DNAH6: variants seen among roughly 807,000 people sequenced by gnomAD.
DNAH6 encodes the protein dynein axonemal heavy chain 6, also known as axonemal beta dynein heavy chain 6.
A neutral mutation model predicts 491.4 loss-of-function variants in DNAH6; 340 were observed. That is an observed-to-expected ratio of 0.69 (90% CI 0.63 to 0.76). The LOEUF (loss-of-function observed/expected upper bound fraction) is 0.76. Among genes scored for constraint, DNAH6 ranks in the 30% least tolerant of loss-of-function variants. The pLI, the probability that DNAH6 is intolerant of heterozygous loss-of-function variation, is 0.00. For synonymous variants in DNAH6, 1,603 were observed against 1,686.1 expected (o/e 0.95, Z 1.21); for missense variants, 4,443 against 4,972.2 (o/e 0.89, Z 3.20).
In DNAH6 at chr2:84,813,954, G is replaced by A. The variant is rs758101643; in HGVS notation, c.11999-17G>A. On this transcript the variant is annotated splice_polypyrimidine_tract_variant and intron_variant, in intron 74 of 76. Transcript: ENST00000389394. ...CAGTGTTGTTTGAACGCAGCTTTCC[G>A]ATTTTCACAATTACAGGAACTCTTC... The A allele has an allele frequency of 2.0e-5, 31 of 1,551,334 alleles. No individual in the cohort carries two copies. The highest frequency in any genetic ancestry group is 3.6e-5 in the South Asian group (3 of 84,000).
intron 11 of DNAH6, among the ~76,000 whole-genome samples, chr2:84,570,199 A>G (rs756915748): frequency 6.6e-6 from 1 of 152,232 alleles, no homozygotes; most frequent in Non-Finnish European, 1.5e-5. Context: ...CAATGGAGAC[A>G]TGTAAAAAAG....
In DNAH6 at chr2:84,697,558, A is replaced by C. The variant is rs879936402; in HGVS notation, c.7525-17A>C. ...AATGATTGAGCAAGTTGTAATGATC[A>C]CTGCTTTCTTCTACAGATTGTAGTG... On this transcript the variant is annotated splice_polypyrimidine_tract_variant and intron_variant, in intron 46 of 76. Coordinates refer to ENST00000389394, the MANE Select transcript of DNAH6 (RefSeq NM_001370.2). The C allele has an allele frequency of 1.3e-6, 2 of 1,538,438 alleles. No individual in the cohort carries two copies. The highest frequency in any genetic ancestry group is 2.8e-5 in the African/African-American group (2 of 72,304).
chr2:84,497,616 C>T, the DNAH6 span, among the ~76,000 whole-genome samples: 8 of 152,018 alleles, frequency 5.3e-5, no homozygotes, highest in African/African-American at 7.2e-5. Context: ...ATTGAACTGC[C>T]GTAGGATTCT....
At chr2:84,638,010 G>A (rs113494723) in intron 31 of DNAH6, among the ~76,000 whole-genome samples, 1 of 151,980 alleles carries the variant, frequency 6.6e-6, no homozygotes, top group Non-Finnish European at 1.5e-5. Context: ...TGGGAGGATC[G>A]CTTGAGTCCA....
At chr2:84,793,213 C>T (rs1047303212) in intron 68 of DNAH6, among the ~76,000 whole-genome samples, 4 of 142,246 alleles carry the variant, frequency 2.8e-5, no homozygotes, top group African/African-American at 8.6e-5. Flanking sequence ...CATGCACACA[C>T]GTACACACAC....
the DNAH6 span, among the ~76,000 whole-genome samples, chr2:84,468,743 G>A: frequency 2.0e-5 from 3 of 152,182 alleles, no homozygotes; most frequent in Non-Finnish European, 4.4e-5. Flanking sequence ...TCCTTTCCTA[G>A]AAGAAGTCTA....
At chr2:84,686,647 C>A in intron 44 of DNAH6, 90 bp downstream of exon 44, 1 of 824,472 alleles carries the variant, frequency 1.2e-6, no homozygotes, top group Non-Finnish European at 1.9e-6. Context: ...AAAAACTTTA[C>A]ATGTGTGAGG....
Position 84,722,772 on chromosome 2 carries a change from A to G in DNAH6, c.9940A>G (p.Met3314Val), listed in dbSNP as rs759421258. The G allele has an allele frequency of 2.6e-6, 4 of 1,529,990 alleles. No individual in the cohort carries two copies. Among genetic ancestry groups the G allele is most frequent in the South Asian group, 2.5e-5 (2 of 80,620 alleles). 94.8% of individuals were successfully genotyped at this position (1,529,990 alleles called of 1,614,324 possible). The change falls in exon 60 of 77, where the codon ATG (methionine) becomes GTG (valine). Residue 3314 changes from methionine to valine, a missense_variant. Around this residue, in one of 3 missense-constraint regions of DNAH6, gnomAD observed 1,463 missense variants for 1,656.6 expected, o/e 0.88. Transcript: ENST00000389394. ...TGCAAGCCTCTCAGAAATAGATCCT[A>G]TGTACCAGTACTCATTAAAATACTT... ...VIASLSEIDP[M>V]YQYSLKYFKQ...
intron 53 of DNAH6, 63 bp from the exon 54 acceptor site, chr2:84,707,457 A>G: frequency 7.2e-7 from 1 of 1,387,536 alleles, no homozygotes; most frequent in East Asian, 2.5e-5. Context: ...ACAGGTAAAT[A>G]AGCTTTTAAT....
intron 11 of DNAH6, among the ~76,000 whole-genome samples, chr2:84,567,164 A>G (rs941959671): frequency 1.3e-5 from 2 of 152,164 alleles, no homozygotes; most frequent in African/African-American, 4.8e-5. Flanking sequence ...AAGTAAAAAT[A>G]CACTTATAAA....
At chr2:84,719,492 T>G (rs1417037173) in intron 59 of DNAH6, among the ~76,000 whole-genome samples, 1 of 143,964 alleles carries the variant, frequency 6.9e-6, no homozygotes, top group African/African-American at 2.6e-5. Context: ...CTTGAGTTTT[T>G]GTTTTTTTTG....
chr2:84,749,413 T>C (rs1558994880), intron 63 of DNAH6, among the ~76,000 whole-genome samples: 1 of 152,142 alleles, frequency 6.6e-6, no homozygotes, highest in African/African-American at 2.4e-5. Flanking sequence ...GCTGGAAAGA[T>C]GGGAGAGGTT....
At chr2:84,605,130 G>A (rs1384421248) in intron 19 of DNAH6, among the ~76,000 whole-genome samples, 1 of 151,820 alleles carries the variant, frequency 6.6e-6, no homozygotes, top group Non-Finnish European at 1.5e-5. Context: ...GACAGATCAC[G>A]AGGTCAGGAG....
At chr2:84,466,546 A>G in the DNAH6 span, among the ~76,000 whole-genome samples, 1 of 152,228 alleles carries the variant, frequency 6.6e-6, no homozygotes, top group Non-Finnish European at 1.5e-5. Flanking sequence ...AAACAAAACA[A>G]AGGATCAGCA....
At chr2:84,509,080 A>G in the DNAH6 span, among the ~76,000 whole-genome samples, 5 of 152,210 alleles carry the variant, frequency 3.3e-5, no homozygotes, top group Non-Finnish European at 5.9e-5. Flanking sequence ...GATGTCTATT[A>G]GGTCCACTTG....
intron 76 of DNAH6, among the ~76,000 whole-genome samples, chr2:84,816,511 G>T (rs541754580): frequency 6.1e-4 from 93 of 152,272 alleles, no homozygotes; most frequent in South Asian, 1.2e-3. Flanking sequence ...ATCACCTGAG[G>T]TCAGGAGTTC....
At chr2:84,714,600 C>T (rs568576133) in intron 57 of DNAH6, among the ~76,000 whole-genome samples, 1 of 152,162 alleles carries the variant, frequency 6.6e-6, no homozygotes, top group South Asian at 2.1e-4. Flanking sequence ...ATAACTAAAA[C>T]AGCATAATCA....
intron 11 of DNAH6, among the ~76,000 whole-genome samples, chr2:84,567,575 T>G (rs1485823359): frequency 1.3e-5 from 2 of 152,172 alleles, no homozygotes; most frequent in Admixed American, 1.3e-4. Context: ...TAAATGGTGC[T>G]GGGAGAACTG....
intron 29 of DNAH6, among the ~76,000 whole-genome samples, chr2:84,626,479 C>T (rs1318173947): frequency 6.6e-6 from 1 of 151,982 alleles, no homozygotes; most frequent in African/African-American, 2.4e-5. Flanking sequence ...ATAATTGGCC[C>T]CACAGAGAAA....
Sources: gnomAD v4.1 joint callset for allele counts (sites outside exome capture counted in the v4.1 genomes callset) on GRCh38, gnomAD v4.1.1 for gene constraint, gnomAD v4.1.1 regional missense constraint, MANE v1.5 for transcripts, NCBI Gene and HGNC (gene_info 2026-07-23, HGNC 2026-07-21) for gene names.